Variants in DLEU7 observed in about 807,000 individuals in gnomAD.
DLEU7 encodes the protein deleted in lymphocytic leukemia 7.
Under a neutral mutation model 16.0 loss-of-function variants are expected in DLEU7, and 17 were observed. That is an observed-to-expected ratio of 1.06 (90% confidence interval 0.73 to 1.59). DLEU7 has a LOEUF of 1.59. Ranked by LOEUF, DLEU7 falls within the 40% of genes most tolerant of loss-of-function variation. The pLI, the probability that DLEU7 is intolerant of heterozygous loss-of-function variation, is 0.00. For synonymous variants in DLEU7, 113 were observed against 139.8 expected (o/e 0.81, Z 1.35); for missense variants, 308 against 314.9 (o/e 0.98, Z 0.17).
At chr13:50,725,888 A>G (rs1196340616) in intron 1 of DLEU7, among the ~76,000 whole-genome samples, 2 of 152,238 alleles carry the variant, frequency 1.3e-5, no homozygotes, top group Non-Finnish European at 2.9e-5. Flanking sequence ...ACTATTAACA[A>G]ATAACTCTAA....
chr13:50,816,787 G>T (rs936617710), intron 1 of DLEU7, among the ~76,000 whole-genome samples: 1 of 152,100 alleles, frequency 6.6e-6, no homozygotes, highest in Non-Finnish European at 1.5e-5. Flanking sequence ...GATATCCCAA[G>T]GACATTAATT....
intron 1 of DLEU7, among the ~76,000 whole-genome samples, chr13:50,758,439 A>T (rs1243614299): frequency 2.0e-5 from 3 of 152,174 alleles, no homozygotes; most frequent in Non-Finnish European, 4.4e-5. Context: ...TGTAAAAAAA[A>T]TTTATTATGT....
At chr13:50,713,101 G>C (rs2487700) in exon 2 of DLEU7, 35 of 1,235,710 alleles carry the variant, frequency 2.8e-5, no homozygotes, top group Non-Finnish European at 3.9e-5. Context: ...GGCCAACAAC[G>C]TGGTAATAAG....
chr13:50,813,044 G>T (rs1363206852), intron 1 of DLEU7: 2 of 152,036 alleles, frequency 1.3e-5, no homozygotes, highest in East Asian at 3.9e-4. Flanking sequence ...AACCAGGCCC[G>T]CCCCAGCTTA....
chr13:50,840,044 C>T (rs1410445092), intron 1 of DLEU7: 1 of 152,178 alleles, frequency 6.6e-6, no homozygotes, highest in Non-Finnish European at 1.5e-5. Flanking sequence ...TAATGCCTGT[C>T]ATCTGCGCCA....
intron 1 of DLEU7, among the ~76,000 whole-genome samples, chr13:50,832,321 C>G (rs976583729): frequency 5.3e-5 from 8 of 152,130 alleles, no homozygotes; most frequent in Admixed American, 5.2e-4. Context: ...TCTTTGGGAT[C>G]AGTGGTGATA....
intron 1 of DLEU7, among the ~76,000 whole-genome samples, chr13:50,773,165 G>T (rs574629035): frequency 6.6e-6 from 1 of 152,098 alleles, no homozygotes; most frequent in African/African-American, 2.4e-5. Context: ...TTAGCCATTC[G>T]TCTAATCTTT....
intron 1 of DLEU7, among the ~76,000 whole-genome samples, chr13:50,838,444 T>C (rs1305212735): frequency 6.6e-6 from 1 of 152,252 alleles, no homozygotes; most frequent in Non-Finnish European, 1.5e-5. Flanking sequence ...AACTTCGTAA[T>C]TGGCTTGGCT....
intron 1 of DLEU7, among the ~76,000 whole-genome samples, chr13:50,800,646 A>G (rs979831813): frequency 4.6e-5 from 7 of 152,210 alleles, no homozygotes; most frequent in Middle Eastern, 3.4e-3. Flanking sequence ...CAGCCAAATC[A>G]CGTTAATCAT....
intron 1 of DLEU7, among the ~76,000 whole-genome samples, chr13:50,797,988 T>C (rs1876148446): frequency 6.6e-6 from 1 of 152,154 alleles, no homozygotes; most frequent in Admixed American, 6.5e-5. Flanking sequence ...ACTAAGAAGT[T>C]CACAGTCTAA....
At chr13:50,840,563 T>C (rs1877619750) in intron 1 of DLEU7, among the ~76,000 whole-genome samples, 1 of 152,158 alleles carries the variant, frequency 6.6e-6, no homozygotes, top group African/African-American at 2.4e-5. Flanking sequence ...GTTGTATACT[T>C]CTAGAAAGTG....
At chr13:50,751,477 A>G (rs967563259) in intron 1 of DLEU7, among the ~76,000 whole-genome samples, 5 of 152,084 alleles carry the variant, frequency 3.3e-5, no homozygotes, top group Admixed American at 1.3e-4. Flanking sequence ...CTCTTTCTCT[A>G]TCTTGTGGAA....
chr13:50,713,079 G>T, exon 2 of DLEU7: 1 of 939,896 alleles, frequency 1.1e-6, no homozygotes, highest in Non-Finnish European at 1.6e-6. Flanking sequence ...AGACCAATAC[G>T]AAGGCAATGG....
At position 50,807,196 on chromosome 13, in the gene DLEU7, T is replaced by C. The variant is rs116669226; in HGVS notation, c.459+35992A>G. 9.8e-3 allele frequency among the ~76,000 whole-genome samples: 1,494 copies of C among 152,100 alleles called. 20 individuals carry two copies. Among genetic ancestry groups the C allele is most frequent in the African/African-American group, 0.034 (1,400 of 41,506 alleles). On this transcript the variant is annotated intron_variant, in intron 1 of 1. Transcript: ENST00000400393. ...TAAAACATAAGTATTTCCTAATCAT[T>C]AATAGGTTTTAATGAGCTTTAGTAG... is the stretch of plus-strand genomic sequence containing the variant.
intron 1 of DLEU7, among the ~76,000 whole-genome samples, chr13:50,756,653 G>A (rs907222172): frequency 1.3e-5 from 2 of 152,112 alleles, no homozygotes; most frequent in Non-Finnish European, 2.9e-5. Flanking sequence ...TCCCAGCTGT[G>A]AAAGAACACA....
At chr13:50,763,307 A>T (rs140379217) in intron 1 of DLEU7, among the ~76,000 whole-genome samples, 1 of 152,352 alleles carries the variant, frequency 6.6e-6, no homozygotes, top group African/African-American at 2.4e-5. Context: ...AACTATGATC[A>T]CATTTGCATT....
chr13:50,837,913 GA>G (rs1474932753), intron 1 of DLEU7, among the ~76,000 whole-genome samples: 1 of 152,200 alleles, frequency 6.6e-6, no homozygotes, highest in African/African-American at 2.4e-5. Context: ...ACAAGGAAGG[GA>G]AGGATGCGAA....
chr13:50,836,310 G>A (rs534889199), intron 1 of DLEU7, among the ~76,000 whole-genome samples: 1 of 152,248 alleles, frequency 6.6e-6, no homozygotes, highest in Non-Finnish European at 1.5e-5. Flanking sequence ...GGGGGTGGGA[G>A]GGCAGTGAGA....
At chr13:50,729,800 T>C (rs1417160582) in intron 1 of DLEU7, among the ~76,000 whole-genome samples, 1 of 152,180 alleles carries the variant, frequency 6.6e-6, no homozygotes, top group Non-Finnish European at 1.5e-5. Flanking sequence ...ATGTTGAGCA[T>C]TTTTTCATAT....
Sources: gnomAD v4.1 joint callset for allele counts (sites outside exome capture counted in the v4.1 genomes callset) on GRCh38, gnomAD v4.1.1 for gene constraint, MANE v1.5 for transcripts, NCBI Gene and HGNC (gene_info 2026-07-23, HGNC 2026-07-21) for gene names.